TP53BP1: variants seen among roughly 807,000 people sequenced by gnomAD.
TP53BP1 encodes TP53-binding protein 1.
Under a neutral mutation model 200.8 loss-of-function variants are expected in TP53BP1, and 61 were observed. The ratio of observed to expected loss-of-function variants is 0.30; its 90% CI spans 0.25 to 0.38. The LOEUF is 0.38. Ranked by LOEUF, TP53BP1 falls within the 10% of genes least tolerant of loss-of-function variation. The pLI is 1.00. For missense variants in TP53BP1, 2,144 were observed against 2,371.9 expected (o/e 0.90, Z 2.00); for synonymous variants, 822 against 844.3 (o/e 0.97, Z 0.46).
intron 8 of TP53BP1, among the ~76,000 whole-genome samples, chr15:43,476,579 G>C (rs1382142389): frequency 2.0e-5 from 3 of 152,162 alleles, no homozygotes; most frequent in Non-Finnish European, 2.9e-5. Context: ...GCAATAGATG[G>C]AGTATCAACT....
intron 23 of TP53BP1, among the ~76,000 whole-genome samples, chr15:43,414,967 C>T (rs980392294): frequency 6.6e-6 from 1 of 152,036 alleles, no homozygotes; most frequent in Non-Finnish European, 1.5e-5. Context: ...CTCGGCCTCC[C>T]AAAGTGCTGG....
chr15:43,481,521 A>T lies in TP53BP1; in HGVS notation c.372-499T>A, dbSNP rs935918734. On this transcript the variant is annotated intron_variant, in intron 4 of 27. Coordinates refer to ENST00000382044, the MANE Select transcript of TP53BP1 (RefSeq NM_001141980.3). ...TTATTTTTTACTTATTTTTTTTTTA[A>T]GAGACAGAGTCTGGGCCGGGCACAG... 6.6e-4 allele frequency among the ~76,000 whole-genome samples: 99 copies of T among 150,978 alleles called. 5 individuals are homozygous for T. Among genetic ancestry groups the T allele is most frequent in the African/African-American group, 2.4e-5 (1 of 40,980 alleles).
intron 23 of TP53BP1, among the ~76,000 whole-genome samples, chr15:43,413,651 A>T (rs1415876716): frequency 6.6e-6 from 1 of 152,244 alleles, no homozygotes; most frequent in African/African-American, 2.4e-5. Flanking sequence ...TTCTGAGGTC[A>T]TCTGAAGAAA....
At chr15:43,500,987 T>A (rs998520596) in intron 1 of TP53BP1, among the ~76,000 whole-genome samples, 2 of 152,112 alleles carry the variant, frequency 1.3e-5, no homozygotes, top group Admixed American at 6.5e-5. Flanking sequence ...TGAGCAGTGA[T>A]CATGCCACTG....
chr15:43,431,472 T>C (rs1481672067), intron 17 of TP53BP1, among the ~76,000 whole-genome samples: 1 of 152,202 alleles, frequency 6.6e-6, no homozygotes, highest in Non-Finnish European at 1.5e-5. Flanking sequence ...CTCAAACTCC[T>C]GGGCTCAAGT....
At chr15:43,472,349 G>A (rs1170406241) in intron 10 of TP53BP1, among the ~76,000 whole-genome samples, 1 of 152,174 alleles carries the variant, frequency 6.6e-6, no homozygotes, top group African/African-American at 2.4e-5. Flanking sequence ...GTATATGAAA[G>A]AGTGAAAAGA....
intron 17 of TP53BP1, among the ~76,000 whole-genome samples, chr15:43,431,757 C>T (rs923693291): frequency 4.6e-5 from 7 of 152,194 alleles, no homozygotes; most frequent in African/African-American, 1.7e-4. Flanking sequence ...CTGAAATACA[C>T]TATTCTTCGT....
rs144587718 is a variant in TP53BP1 at position 43,420,844 on chromosome 15, A to T, written c.4251-109T>A. On this transcript the variant is annotated intron_variant, in intron 20 of 27. Coordinates refer to ENST00000382044, the MANE Select transcript of TP53BP1 (RefSeq NM_001141980.3). ...CATGGGTCTCCTCAGCCCATTCTTT[A>T]AAAACCCCATCACAGGCATGAGCCT... is the stretch of plus-strand genomic sequence containing the variant. 2.3e-6 allele frequency: 3 copies of T among 1,297,150 alleles called. No homozygotes were observed. The African/African-American group carries it at 4.4e-5, about 19-fold the overall frequency. 80.4% of individuals were successfully genotyped at this position (1,297,150 alleles called of 1,614,324 possible). A position where few individuals can be genotyped will look rare whatever the true frequency, so the allele number is the denominator to read the frequency against.
upstream of TP53BP1, among the ~76,000 whole-genome samples, chr15:43,494,657 T>TA (rs1425497841): frequency 6.6e-6 from 1 of 152,174 alleles, no homozygotes. Flanking sequence ...ATCTAATACT[T>TA]AAAGACCAGG....
At chr15:43,505,500 G>A (rs531637683) in intron 1 of TP53BP1, among the ~76,000 whole-genome samples, 35 of 152,122 alleles carry the variant, frequency 2.3e-4, no homozygotes, top group Admixed American at 2.1e-3. Context: ...TATTTTTTTC[G>A]CTTTTGGGAA....
At chr15:43,497,278 G>T, upstream of TP53BP1, 1 of 241,570 alleles carries the variant, frequency 4.1e-6, no homozygotes, top group Non-Finnish European at 6.7e-6. Flanking sequence ...TACTCAGGAG[G>T]CTGAGGTGGA....
intron 1 of TP53BP1, among the ~76,000 whole-genome samples, chr15:43,509,140 G>A (rs2079255065): frequency 7.7e-6 from 1 of 130,394 alleles, no homozygotes; most frequent in Non-Finnish European, 1.6e-5. Context: ...TGCAGAAGAG[G>A]AGGCCTGTAA....
Position 43,446,866 on chromosome 15 carries a change from T to C in TP53BP1, c.2837-276A>G, listed in dbSNP as rs76132861. 108 of 1,270,086 alleles carry C rather than the reference T, an allele frequency of 8.5e-5. No individual in the cohort carries two copies. In the East Asian group the frequency reaches 3.4e-3, roughly 40 times the overall value. The allele number at this position is 1,270,086 out of a possible 1,614,324, so 78.7% of individuals were successfully genotyped here. ...AACCCACATCTGCCAGCATCAGGCA[T>C]AGGTAGCAGGAGACTCCAGACGGCA... On this transcript the variant is annotated intron_variant, in intron 13 of 27. Transcript: ENST00000382044.
intron 10 of TP53BP1, among the ~76,000 whole-genome samples, chr15:43,472,988 T>C (rs2046764505): frequency 6.6e-6 from 1 of 151,990 alleles, no homozygotes; most frequent in Non-Finnish European, 1.5e-5. Flanking sequence ...TCGGAGTTTC[T>C]TCCTTCTGGT....
chr15:43,446,674 C>T, intron 13 of TP53BP1, 84 bp from the exon 14 acceptor site: 1 of 1,564,354 alleles, frequency 6.4e-7, no homozygotes, highest in Non-Finnish European at 8.7e-7. Context: ...CATCAATTTG[C>T]CTGTTTGGCT....
intron 18 of TP53BP1, among the ~76,000 whole-genome samples, chr15:43,425,292 G>A (rs767989108): frequency 2.0e-4 from 30 of 152,208 alleles, no homozygotes; most frequent in Non-Finnish European, 3.7e-4. Context: ...GAGGCCTGCT[G>A]TTTCCAGAAA....
Position 43,407,966 on chromosome 15 carries a change from T to C in TP53BP1, c.5723A>G (p.His1908Arg). 1 of 1,613,608 alleles carries C rather than the reference T, an allele frequency of 6.2e-7. No homozygotes were observed. The highest frequency in any genetic ancestry group is 8.5e-7 in the Non-Finnish European group (1 of 1,179,982). The change falls in exon 27 of 28, where the codon CAC becomes CGC. Residue 1908 changes from histidine to arginine, a missense_variant. Physicochemically the swap from His to Arg is conservative, Grantham distance 29. Coordinates refer to ENST00000382044, the MANE Select transcript of TP53BP1 (RefSeq NM_001141980.3). ...ACCTTTGTTATGGGCACTTGAATGG[T>C]GCTGCTTCACAGAGGCTGCACCACC... ...MTGGAASVKQ[H>R]HSSAHNKDIA...
chr15:43,454,958 G>A (rs1566944031), intron 12 of TP53BP1, among the ~76,000 whole-genome samples: 1 of 151,980 alleles, frequency 6.6e-6, no homozygotes, highest in Non-Finnish European at 1.5e-5. Flanking sequence ...TCAAACTCCT[G>A]AGCTCAGGCA....
At chr15:43,428,235 G>C (rs1241108731) in intron 17 of TP53BP1, 67 bp from the exon 18 acceptor site, 15 of 1,386,756 alleles carry the variant, frequency 1.1e-5, no homozygotes, top group African/African-American at 4.3e-5. Context: ...CAAATCTTAT[G>C]CTTCATGATG....
Sources: allele counts gnomAD v4.1 joint callset (sites outside exome capture counted in the v4.1 genomes callset), GRCh38; gene constraint gnomAD v4.1.1; transcripts MANE v1.5; gene names NCBI Gene and HGNC (gene_info 2026-07-23, HGNC 2026-07-21).